The following MYO10 variants were observed in gnomAD, a reference collection of about 807,000 sequenced individuals.
The protein encoded by MYO10 is unconventional myosin-X.
Under a neutral mutation model 257.3 loss-of-function variants are expected in MYO10, and 133 were observed. The observed-to-expected ratio is 0.52, with a 90% confidence interval of 0.45 to 0.60. The LOEUF (loss-of-function observed/expected upper bound fraction) is 0.60. MYO10 is among the 20% of genes least tolerant of loss of function. The pLI is 0.00. For synonymous variants in MYO10, 1,104 were observed against 1,028.6 expected (o/e 1.07, Z -1.40); for missense variants, 2,399 against 2,635.7 (o/e 0.91, Z 1.97).
chr5:16,916,064 C>A (rs772652920), intron 1 of MYO10: 2 of 456,084 alleles, frequency 4.4e-6, no homozygotes, highest in Middle Eastern at 3.3e-4. Context: ...CCAGTTGAAT[C>A]GCTTGGTCCC....
At chr5:16,756,470 C>T (rs1470593101) in intron 18 of MYO10, among the ~76,000 whole-genome samples, 2 of 152,162 alleles carry the variant, frequency 1.3e-5, no homozygotes, top group African/African-American at 4.8e-5. Context: ...CACTGGCTTT[C>T]CCTCCATCTG....
chr5:16,698,623 G>GTTTTTTGT (rs534800370), intron 26 of MYO10, among the ~76,000 whole-genome samples: 3 of 113,860 alleles, frequency 2.6e-5, no homozygotes, highest in African/African-American at 1.1e-4. Flanking sequence ...AGAACATGCA[G>GTTTTTTGT]TTTTTTTTTT....
At chr5:16,755,829 G>T (rs914635112) in intron 18 of MYO10, among the ~76,000 whole-genome samples, 1 of 149,298 alleles carries the variant, frequency 6.7e-6, no homozygotes, top group Non-Finnish European at 1.5e-5. Context: ...CATTTCGCCT[G>T]ATCCACACAT....
intron 1 of MYO10, among the ~76,000 whole-genome samples, chr5:16,908,050 T>C (rs1745562210): frequency 6.6e-6 from 1 of 152,008 alleles, no homozygotes; most frequent in Non-Finnish European, 1.5e-5. Context: ...CTGGCCAACA[T>C]GGCAAAACCC....
At chr5:16,924,204 C>T (rs991180567) in intron 1 of MYO10, among the ~76,000 whole-genome samples, 8 of 151,618 alleles carry the variant, frequency 5.3e-5, no homozygotes, top group Non-Finnish European at 8.8e-5. Flanking sequence ...CGAACATCAA[C>T]AACCACGCTG....
chr5:16,683,752 A>C, intron 30 of MYO10, 128 bp downstream of exon 30: 1 of 834,640 alleles, frequency 1.2e-6, no homozygotes. Context: ...TGGGGTTGAC[A>C]AGGTGGGAAC....
chr5:16,921,503 G>A (rs965617299), intron 1 of MYO10, among the ~76,000 whole-genome samples: 5 of 152,032 alleles, frequency 3.3e-5, no homozygotes, highest in African/African-American at 1.2e-4. Context: ...CTTATGGGGA[G>A]AGTTTGGATC....
At chr5:16,802,903 A>C (rs1742162448) in intron 3 of MYO10, among the ~76,000 whole-genome samples, 1 of 151,156 alleles carries the variant, frequency 6.6e-6, no homozygotes, top group African/African-American at 2.4e-5. Context: ...CAGGAGTTCA[A>C]GACCGGCCTG....
chr5:16,874,344 C>CGGGGGGGG (rs61697249), intron 2 of MYO10, among the ~76,000 whole-genome samples: 3 of 28,476 alleles, frequency 1.1e-4, no homozygotes, highest in Non-Finnish European at 2.0e-4. Flanking sequence ...AAAAAAAAAG[C>CGGGGGGGG]GGGGGGGGGG....
At chr5:16,761,400 TA>T in intron 17 of MYO10, 63 bp downstream of exon 17, 1 of 1,292,278 alleles carries the variant, frequency 7.7e-7, no homozygotes, top group Non-Finnish European at 1.1e-6. Context: ...ATTTGTGAAT[TA>T]AAAGCATTTG....
At chr5:16,916,405 TA>T (rs71596001) in intron 1 of MYO10, 6,107 of 104,212 alleles carry the variant, frequency 0.059, 143 homozygotes, top group Non-Finnish European at 0.072. Context: ...AGCCATGAAG[TA>T]AAAAAAAAAA....
chr5:16,756,295 G>A (rs548087006), intron 18 of MYO10, among the ~76,000 whole-genome samples: 7 of 152,104 alleles, frequency 4.6e-5, no homozygotes, highest in South Asian at 4.2e-4. Context: ...CGAACTCCTC[G>A]ACTCAAGCAA....
intron 2 of MYO10, among the ~76,000 whole-genome samples, chr5:16,870,815 C>T (rs577750039): frequency 5.3e-5 from 8 of 152,090 alleles, no homozygotes; most frequent in Non-Finnish European, 1.0e-4. Flanking sequence ...TCACTTGAAC[C>T]CAGGAGGCGG....
intron 19 of MYO10, among the ~76,000 whole-genome samples, chr5:16,722,104 C>T (rs1034638096): frequency 2.6e-5 from 4 of 152,208 alleles, no homozygotes; most frequent in Non-Finnish European, 4.4e-5. Context: ...TCTGTTGAGC[C>T]TGATGGATCT....
At chr5:16,722,893 GT>G (rs1318308631) in intron 19 of MYO10, among the ~76,000 whole-genome samples, 1 of 152,130 alleles carries the variant, frequency 6.6e-6, no homozygotes, top group East Asian at 1.9e-4. Context: ...TGAAAGACAA[GT>G]AACAGACTGA....
At chr5:16,798,400 GA>G (rs1742027881) in intron 3 of MYO10, among the ~76,000 whole-genome samples, 1 of 152,002 alleles carries the variant, frequency 6.6e-6, no homozygotes, top group South Asian at 2.1e-4. Context: ...CAGGTCCTTG[GA>G]AACATCAACT....
At position 16,777,629 on chromosome 5, in the gene MYO10, G is replaced by A. The variant is rs925896469; in HGVS notation, c.930+1916C>T. On this transcript the variant is annotated intron_variant, in intron 9 of 40. Transcript: ENST00000513610. Reference sequence around the variant, plus strand: ...GTTAGACTGTGTATGGATATGGGCTGCACCAGGTACTGGGTAAGGTTAGGC... The same window carrying A: ...GTTAGACTGTGTATGGATATGGGCTACACCAGGTACTGGGTAAGGTTAGGC... Among the ~76,000 whole-genome samples, 6 of 152,184 alleles carry A rather than the reference G, an allele frequency of 3.9e-5. No individual in the cohort carries two copies. In the East Asian group the frequency reaches 1.2e-3, roughly 29 times the overall value.
intron 3 of MYO10, among the ~76,000 whole-genome samples, chr5:16,798,822 C>T (rs1337983129): frequency 6.6e-6 from 1 of 152,096 alleles, no homozygotes; most frequent in African/African-American, 2.4e-5. Flanking sequence ...TGACAAGCAA[C>T]AGTCAACACT....
chr5:16,868,809 T>C (rs1744362344), intron 2 of MYO10, among the ~76,000 whole-genome samples: 1 of 152,190 alleles, frequency 6.6e-6, no homozygotes, highest in African/African-American at 2.4e-5. Context: ...TCACAGCAAG[T>C]ATAAGTTACA....
Sources: allele counts gnomAD v4.1 joint callset (sites outside exome capture counted in the v4.1 genomes callset), GRCh38; gene constraint gnomAD v4.1.1; transcripts MANE v1.5; gene names NCBI Gene and HGNC (gene_info 2026-07-23, HGNC 2026-07-21).